Variants in HACD2 observed in about 807,000 individuals in gnomAD.
HACD2 encodes the protein 3-hydroxyacyl-CoA dehydratase 2.
Under a neutral mutation model 31.0 loss-of-function variants are expected in HACD2, and 15 were observed. The observed-to-expected ratio is 0.48, with a 90% CI of 0.32 to 0.75. The LOEUF (loss-of-function observed/expected upper bound fraction) is 0.75. HACD2 is among the 30% of genes least tolerant of loss of function. The pLI is 0.03. For synonymous variants in HACD2, 115 were observed against 122.2 expected (o/e 0.94, Z 0.39); for missense variants, 283 against 313.0 (o/e 0.90, Z 0.72).
At chr3:123,576,453 G>A (rs962421622) in intron 2 of HACD2, among the ~76,000 whole-genome samples, 1 of 152,016 alleles carries the variant, frequency 6.6e-6, no homozygotes, top group Admixed American at 6.6e-5. Flanking sequence ...TTTTCCTCTG[G>A]TTTTCACACT....
At chr3:123,499,704 T>C in intron 6 of HACD2, 1 of 452,420 alleles carries the variant, frequency 2.2e-6, no homozygotes, top group Non-Finnish European at 4.4e-6. Context: ...GTTACAGTGG[T>C]TATAGAAATA....
intron 6 of HACD2, among the ~76,000 whole-genome samples, chr3:123,495,882 T>C (rs2055826042): frequency 6.6e-6 from 1 of 152,180 alleles, no homozygotes; most frequent in Non-Finnish European, 1.5e-5. Flanking sequence ...CCACCCAAAA[T>C]GCCTATAGTG....
chr3:123,530,408 ATTTTTT>A (rs1168086468), intron 3 of HACD2, among the ~76,000 whole-genome samples: 3 of 134,166 alleles, frequency 2.2e-5, no homozygotes, highest in African/African-American at 2.8e-5. Context: ...GTGCCAGGTA[ATTTTTT>A]TTTTTTTTTT....
intron 3 of HACD2, among the ~76,000 whole-genome samples, chr3:123,566,347 T>C (rs2056792019): frequency 6.6e-6 from 1 of 152,010 alleles, no homozygotes. Context: ...TGCAATGGTG[T>C]GATCGTGGCT....
At chr3:123,543,715 A>G in intron 3 of HACD2, 1 of 420,786 alleles carries the variant, frequency 2.4e-6, no homozygotes, top group Admixed American at 2.7e-5. Context: ...ATAACAATGT[A>G]GACACTGGAT....
chr3:123,559,389 A>G (rs1333942570), intron 3 of HACD2, among the ~76,000 whole-genome samples: 3 of 152,222 alleles, frequency 2.0e-5, no homozygotes, highest in African/African-American at 4.8e-5. Flanking sequence ...GAATTTCCAA[A>G]CACTCATACT....
intron 3 of HACD2, among the ~76,000 whole-genome samples, chr3:123,566,284 A>T (rs1276713645): frequency 6.6e-6 from 1 of 151,980 alleles, no homozygotes; most frequent in East Asian, 1.9e-4. Context: ...AATCTTTTAA[A>T]TCCTTTTTTT....
intron 3 of HACD2, among the ~76,000 whole-genome samples, chr3:123,537,578 TACACATACACACAC>T (rs1383733120): frequency 1.7e-4 from 25 of 144,402 alleles, no homozygotes; most frequent in Middle Eastern, 3.6e-3. Flanking sequence ...CAACAACAAA[TACACATACACACAC>T]ACACACACAC....
At chr3:123,516,233 A>ATTTT (rs138783399) in intron 4 of HACD2, among the ~76,000 whole-genome samples, 34 of 125,808 alleles carry the variant, frequency 2.7e-4, no homozygotes, top group Non-Finnish European at 4.5e-4. Context: ...TGTGCAACAT[A>ATTTT]TTTTTTTTTT....
intron 4 of HACD2, among the ~76,000 whole-genome samples, chr3:123,518,951 C>T (rs1292975604): frequency 2.9e-5 from 4 of 140,328 alleles, no homozygotes; most frequent in African/African-American, 5.4e-5. Flanking sequence ...GGGCCGAGAT[C>T]GCGTCACTGC....
At chr3:123,525,357 A>G (rs1227222238) in intron 4 of HACD2, among the ~76,000 whole-genome samples, 1 of 152,158 alleles carries the variant, frequency 6.6e-6, no homozygotes, top group East Asian at 1.9e-4. Flanking sequence ...CCTGCTGATC[A>G]AGGTGTCACA....
At chr3:123,518,654 A>C (rs544699665) in intron 4 of HACD2, among the ~76,000 whole-genome samples, 1 of 152,204 alleles carries the variant, frequency 6.6e-6, no homozygotes, top group African/African-American at 2.4e-5. Context: ...ACCAATGCAG[A>C]AGGCAAAAGA....
chr3:123,501,718 G>C (rs1390915832), intron 5 of HACD2, among the ~76,000 whole-genome samples: 1 of 152,172 alleles, frequency 6.6e-6, no homozygotes, highest in Non-Finnish European at 1.5e-5. Context: ...GTCCAGGTTG[G>C]TTAGTAACTG....
At chr3:123,554,929 A>C (rs2056658446) in intron 3 of HACD2, among the ~76,000 whole-genome samples, 1 of 152,254 alleles carries the variant, frequency 6.6e-6, no homozygotes, top group Non-Finnish European at 1.5e-5. Context: ...GCATCAAATA[A>C]CATAGCAACA....
intron 3 of HACD2, among the ~76,000 whole-genome samples, chr3:123,547,606 T>C (rs931929853): frequency 6.6e-6 from 1 of 152,136 alleles, no homozygotes; most frequent in African/African-American, 2.4e-5. Flanking sequence ...GCTATACTAC[T>C]ACAGGTGGAG....
chr3:123,500,499 A>G lies in HACD2; in HGVS notation c.682+16T>C, dbSNP rs1403028694. On this transcript the variant is annotated intron_variant, in intron 6 of 6. Transcript: ENST00000383657. ...TTTTAAAACATAATTAAATATACGC[A>G]TAACTGTTTACTTACTTGGAATGTA... The G allele has an allele frequency of 9.7e-6, 15 of 1,547,720 alleles. No homozygotes were observed. The highest frequency in any genetic ancestry group is 7.0e-5 in the South Asian group (6 of 85,824).
At chr3:123,554,006 T>C (rs979643383) in intron 3 of HACD2, among the ~76,000 whole-genome samples, 4 of 83,408 alleles carry the variant, frequency 4.8e-5, no homozygotes, top group Non-Finnish European at 5.1e-5. Context: ...GACTTTTTTT[T>C]CCCTTAAATT....
intron 3 of HACD2, among the ~76,000 whole-genome samples, chr3:123,552,360 G>A (rs1036184624): frequency 6.6e-6 from 1 of 152,092 alleles, no homozygotes; most frequent in Non-Finnish European, 1.5e-5. Context: ...GTAACACAAA[G>A]GTGAGGTAAA....
chr3:123,530,382 G>A (rs1364466710), intron 3 of HACD2, among the ~76,000 whole-genome samples: 1 of 151,546 alleles, frequency 6.6e-6, no homozygotes, highest in African/African-American at 2.4e-5. Context: ...GTCCCAAGTA[G>A]CTGGGACCAC....
Sources: allele counts gnomAD v4.1 joint callset (sites outside exome capture counted in the v4.1 genomes callset), GRCh38; gene constraint gnomAD v4.1.1; transcripts MANE v1.5; gene names NCBI Gene and HGNC (gene_info 2026-07-23, HGNC 2026-07-21).